Variants in DYM observed in about 807,000 individuals in gnomAD.
DYM encodes the protein dymeclin, also known as dyggve-Melchior-Clausen syndrome protein.
In DYM, 78 loss-of-function variants were observed where a neutral mutation model predicts 93.1. The ratio of observed to expected loss-of-function variants is 0.84; its 90% confidence interval spans 0.70 to 1.01. The LOEUF (loss-of-function observed/expected upper bound fraction) is 1.01. DYM is among the 50% of genes least tolerant of loss of function. The pLI, the probability that DYM is intolerant of heterozygous loss-of-function variation, is 0.00. For missense variants in DYM, 789 were observed against 845.0 expected (o/e 0.93, Z 0.82); for synonymous variants, 321 against 319.7 (o/e 1.00, Z -0.04).
At chr18:49,200,715 C>T (rs2091919733) in intron 14 of DYM, among the ~76,000 whole-genome samples, 1 of 151,804 alleles carries the variant, frequency 6.6e-6, no homozygotes, top group South Asian at 2.1e-4. Flanking sequence ...TTATAGAATC[C>T]ACTATCTTCA....
intron 17 of DYM, among the ~76,000 whole-genome samples, chr18:49,087,089 T>A (rs1283253303): frequency 3.3e-5 from 5 of 152,114 alleles, no homozygotes; most frequent in Non-Finnish European, 7.4e-5. Context: ...GATGGCCATC[T>A]ATAAACCAGG....
At chr18:49,332,901 C>T (rs1001854701) in intron 7 of DYM, among the ~76,000 whole-genome samples, 3 of 152,162 alleles carry the variant, frequency 2.0e-5, no homozygotes, top group South Asian at 2.1e-4. Context: ...CTTCAAACCA[C>T]GGTCATTCTG....
intron 2 of DYM, among the ~76,000 whole-genome samples, chr18:49,421,400 CCT>C (rs1189270855): frequency 2.0e-5 from 3 of 152,180 alleles, no homozygotes; most frequent in African/African-American, 4.8e-5. Context: ...CTGGAGTGGA[CCT>C]CCAGCAAACT....
chr18:49,290,218 A>T (rs746753373), intron 8 of DYM, among the ~76,000 whole-genome samples: 8 of 152,176 alleles, frequency 5.3e-5, no homozygotes, highest in Non-Finnish European at 1.0e-4. Flanking sequence ...CTATGGTTAA[A>T]CTATACCATG....
At position 49,209,656 on chromosome 18, in the gene DYM, T is replaced by A. The variant is rs897470958; in HGVS notation, c.1520A>T (p.His507Leu). The change falls in exon 14 of 18, where the codon CAC becomes CTC. Residue 507 changes from histidine (H) to leucine (L), a missense_variant. Coordinates refer to ENST00000675505, the MANE Select transcript of DYM (RefSeq NM_001353214.3). ...ATGCTGAAGCGTAGAACAGTGAGAG[T>A]GGGGGAAATACAGTTTGTCCAACAC... ...VYVLDKLYFP[H>L]SHCSTLQHCF... 1 of 1,287,862 alleles carries A rather than the reference T, an allele frequency of 7.8e-7. No homozygotes were observed. Among genetic ancestry groups the A allele is most frequent in the Non-Finnish European group, 1.0e-6 (1 of 988,172 alleles). 79.8% of individuals were successfully genotyped at this position (1,287,862 alleles called of 1,614,324 possible).
rs531586771 is a variant in DYM, at chr18:49,297,678, AT to A, written c.764-11063del. 1.2e-4 allele frequency among the ~76,000 whole-genome samples: 19 copies of A among 152,162 alleles called. No homozygotes were observed. In the East Asian group the frequency reaches 3.7e-3, roughly 29 times the overall value. On this transcript the variant is annotated intron_variant, in intron 8 of 17. Transcript: ENST00000675505. ...AGTGCTTATGTTTTTATGTTGGGTG[AT>A]TTTTTTTCCTCATCAAAATACTTTG...
intron 2 of DYM, among the ~76,000 whole-genome samples, chr18:49,415,342 A>AAAT (rs1555734876): frequency 0.058 from 8,392 of 143,574 alleles, 447 homozygotes; most frequent in East Asian, 0.26. Context: ...AAAAAAAAAA[A>AAAT]TTAAAAAAAT....
intron 11 of DYM, 108 bp from the exon 12 acceptor site, chr18:49,258,601 T>A (rs374817842): frequency 1.2e-5 from 9 of 748,510 alleles, no homozygotes; most frequent in East Asian, 5.4e-5. Flanking sequence ...TGAAGGTGAG[T>A]TAAGCAGCAC....
chr18:49,044,296 G>A (rs2071183986), intron 17 of DYM, 92 bp from the exon 18 acceptor site: 3 of 1,420,904 alleles, frequency 2.1e-6, no homozygotes, highest in Non-Finnish European at 3.0e-6. Flanking sequence ...GGTGTGCGGG[G>A]AGCCCACCCA....
chr18:49,228,630 T>C (rs1300575733), intron 13 of DYM, among the ~76,000 whole-genome samples: 1 of 152,214 alleles, frequency 6.6e-6, no homozygotes, highest in Non-Finnish European at 1.5e-5. Context: ...TTATTCATTC[T>C]ATGAATTATT....
chr18:49,450,948 T>C (rs1245480590), intron 1 of DYM, among the ~76,000 whole-genome samples: 1 of 152,202 alleles, frequency 6.6e-6, no homozygotes, highest in Non-Finnish European at 1.5e-5. Context: ...TTTAACAGCT[T>C]TGAAGATTGT....
At chr18:49,407,672 A>T (rs1379065470) in intron 2 of DYM, among the ~76,000 whole-genome samples, 1 of 152,204 alleles carries the variant, frequency 6.6e-6, no homozygotes, top group Non-Finnish European at 1.5e-5. Flanking sequence ...ACCATGACCC[A>T]AACACTTCTC....
intron 13 of DYM, among the ~76,000 whole-genome samples, chr18:49,250,099 A>C (rs1325198355): frequency 2.0e-5 from 3 of 152,222 alleles, no homozygotes; most frequent in African/African-American, 7.2e-5. Flanking sequence ...GATGCTAATC[A>C]ACTTGCATGA....
At chr18:49,271,436 T>C (rs566341884) in intron 11 of DYM, among the ~76,000 whole-genome samples, 1 of 152,290 alleles carries the variant, frequency 6.6e-6, no homozygotes. Context: ...ACTTGTGGAA[T>C]GCAGGAAGAA....
intron 14 of DYM, among the ~76,000 whole-genome samples, chr18:49,194,226 G>A (rs1258624495): frequency 1.3e-5 from 2 of 152,210 alleles, no homozygotes; most frequent in African/African-American, 2.4e-5. Context: ...CATCCAACTT[G>A]AGGAATTTTG....
chr18:49,048,429 ACGC>A (rs1190515060), intron 17 of DYM: 4 of 152,174 alleles, frequency 2.6e-5, no homozygotes, highest in African/African-American at 9.7e-5. Context: ...CGCTGTTAAA[ACGC>A]ACTTCTCATT....
chr18:49,332,255 T>C (rs1184626232), intron 7 of DYM, among the ~76,000 whole-genome samples: 1 of 152,186 alleles, frequency 6.6e-6, no homozygotes, highest in Non-Finnish European at 1.5e-5. Context: ...AAATACTTTT[T>C]TTCTGCAGTG....
Position 49,176,115 on chromosome 18 carries a change from A to G in DYM, c.1626-12328T>C, listed in dbSNP as rs568884189. On this transcript the variant is annotated intron_variant, in intron 14 of 17. Transcript: ENST00000675505. ...CTTTAAAAAAATGCTGAAACTCAGG[A>G]ATTGAATTTCCCCTAGCTAAGGTAA... Among the ~76,000 whole-genome samples the G allele has an allele frequency of 2.6e-5, 4 of 152,292 alleles. No individual in the cohort carries two copies. The East Asian group carries it at 5.8e-4, about 22-fold the overall frequency.
chr18:49,402,013 C>T lies in DYM; in HGVS notation c.141-10368G>A, dbSNP rs564179755. Among the ~76,000 whole-genome samples, 12 of 145,278 alleles carry T rather than the reference C, an allele frequency of 8.3e-5. No homozygotes were observed. In the East Asian group the frequency reaches 2.0e-3, roughly 24 times the overall value. On this transcript the variant is annotated intron_variant, in intron 2 of 17. Transcript: ENST00000675505. ...TGCACTCCAGCCTGGGCAACAAGAGCGAAACTCTGTCTCAAAAAAAAAAAA... is the reference window on the plus strand; with the variant it reads ...TGCACTCCAGCCTGGGCAACAAGAGTGAAACTCTGTCTCAAAAAAAAAAAA...
Sources: allele counts gnomAD v4.1 joint callset (sites outside exome capture counted in the v4.1 genomes callset), GRCh38; gene constraint gnomAD v4.1.1; transcripts MANE v1.5; gene names NCBI Gene and HGNC (gene_info 2026-07-23, HGNC 2026-07-21).